The following SELENOP variants were observed in gnomAD, a reference collection of about 807,000 sequenced individuals.
SELENOP encodes selenoprotein P.
In SELENOP, 36 loss-of-function variants were observed where a neutral mutation model predicts 41.0. That is an observed-to-expected ratio of 0.88 (90% CI 0.67 to 1.16). The LOEUF (loss-of-function observed/expected upper bound fraction) is 1.16. SELENOP is among the 50% of genes most tolerant of loss of function. The probability of loss-of-function intolerance (pLI) is 0.00; values close to 1 mark genes in which losing one functional copy is unlikely to be tolerated. For missense variants in SELENOP, 440 were observed against 454.2 expected (o/e 0.97, Z 0.28); for synonymous variants, 144 against 150.8 (o/e 0.95, Z 0.33).
chr5:42,800,597 G>T lies in SELENOP; in HGVS notation c.*123C>A. The T allele has an allele frequency of 1.6e-6, 2 of 1,215,102 alleles. No homozygotes were observed. Among genetic ancestry groups the T allele is most frequent in the Non-Finnish European group, 2.3e-6 (2 of 884,748 alleles). 75.3% of individuals were successfully genotyped at this position (1,215,102 alleles called of 1,614,324 possible). A position where few individuals can be genotyped will look rare whatever the true frequency, so the allele number is the denominator to read the frequency against. On this transcript the variant is annotated 3_prime_UTR_variant, in exon 5 of 5. Transcript: ENST00000514985. Reference sequence around the variant, plus strand: ...TTAAAATCTGGAAGCCAATTCAGTAGATTTCTCCATGTTTGCACAAATCTA... The same window carrying T: ...TTAAAATCTGGAAGCCAATTCAGTATATTTCTCCATGTTTGCACAAATCTA...
At chr5:42,801,637 C>T in intron 4 of SELENOP, 1 of 387,898 alleles carries the variant, frequency 2.6e-6, no homozygotes, top group Non-Finnish European at 4.5e-6. Context: ...TTGATCTGGG[C>T]CGAGCATGGT....
chr5:42,811,113 T>C (rs1391236114), intron 1 of SELENOP, among the ~76,000 whole-genome samples: 1 of 152,236 alleles, frequency 6.6e-6, no homozygotes, highest in Non-Finnish European at 1.5e-5. Flanking sequence ...TTAAATTTCA[T>C]GGCCACATTC....
At chr5:42,809,826 C>A (rs1246468569) in intron 1 of SELENOP, 1 of 848,412 alleles carries the variant, frequency 1.2e-6, no homozygotes, top group Non-Finnish European at 1.4e-6. Context: ...AGAGAGAGGA[C>A]AAATTAACTT....
chr5:42,810,498 T>C (rs1760435653), intron 1 of SELENOP, among the ~76,000 whole-genome samples: 2 of 152,166 alleles, frequency 1.3e-5, no homozygotes, highest in Non-Finnish European at 2.9e-5. Flanking sequence ...CTTGCTCTGT[T>C]ACCCAGGCTG....
At chr5:42,802,024 A>C (rs1380070399) in intron 4 of SELENOP, 2 of 152,234 alleles carry the variant, frequency 1.3e-5, no homozygotes, top group Non-Finnish European at 2.9e-5. Flanking sequence ...ATCTAATATT[A>C]TCTCTGATAA....
rs1226212325 is a variant in SELENOP, at chr5:42,808,282, T to A, written c.72A>T (p.Gln24His). Reference protein sequence around the residue: ...LPSGGTESQDQSSLCKQPPAW... With the variant: ...LPSGGTESQDHSSLCKQPPAW... ...CTGGGGGTTGCTTACATAAGGAGCTTTGGTCCTGGCTCTCTGTTCCTCCCG... is the reference window on the plus strand; with the variant it reads ...CTGGGGGTTGCTTACATAAGGAGCTATGGTCCTGGCTCTCTGTTCCTCCCG... Residue 24 changes from glutamine (Q) to histidine (H), a missense_variant, in exon 2 of 5, where the codon CAA (glutamine) becomes CAT (histidine). By Grantham distance (24) the Gln-to-His change is conservative. Coordinates refer to ENST00000514985, the MANE Select transcript of SELENOP (RefSeq NM_005410.4). 1.3e-6 allele frequency: 2 copies of A among 1,566,066 alleles called. No homozygotes were observed. The highest frequency in any genetic ancestry group is 1.7e-6 in the Non-Finnish European group (2 of 1,156,070).
In SELENOP at chr5:42,801,598, G is replaced by A. The variant is rs1579729664; in HGVS notation, c.535-267C>T. 1.4e-4 allele frequency: 64 copies of A among 451,672 alleles called. 1 individual carries two copies. In the East Asian group the frequency reaches 2.1e-3, roughly 15 times the overall value. 28.0% of individuals were successfully genotyped at this position (451,672 alleles called of 1,614,324 possible). ...CAAAAGGAACTTGGATTGCAGGAAA[G>A]TCAAAGTAATATCAAATCCTAAATT... On this transcript the variant is annotated intron_variant, in intron 4 of 4. Transcript: ENST00000514985.
Position 42,800,632 on chromosome 5 carries a change from T to G in SELENOP, c.*88A>C. On this transcript the variant is annotated 3_prime_UTR_variant, in exon 5 of 5. Coordinates refer to ENST00000514985, the MANE Select transcript of SELENOP (RefSeq NM_005410.4). ...TGTTTGCACAAATCTAATTTCTATT[T>G]TTGGTTCACTAATTTGGTAGTTTAT... The G allele has an allele frequency of 7.0e-7, 1 of 1,423,238 alleles. No homozygotes were observed. The highest frequency in any genetic ancestry group is 9.5e-7 in the Non-Finnish European group (1 of 1,058,106). 88.2% of individuals were successfully genotyped at this position (1,423,238 alleles called of 1,614,324 possible).
chr5:42,808,350 A>G lies in SELENOP; in HGVS notation c.4T>C (p.Trp2Arg). The change falls in exon 2 of 5, where the codon TGG becomes CGG. Residue 2 changes from tryptophan (W) to arginine (R), a missense_variant. Transcript: ENST00000514985. ...GCCAGGGCAAGCCCCAGGCTTCTCC[A>G]CATTGCTGGGGTTGTCCTGTAAAAG... M[W>R]RSLGLALALC... 2 of 1,393,766 alleles carry G rather than the reference A, an allele frequency of 1.4e-6. No homozygotes were observed. Among genetic ancestry groups the G allele is most frequent in the Non-Finnish European group, 1.9e-6 (2 of 1,065,670 alleles). The allele number at this position is 1,393,766 out of a possible 1,614,324, so 86.3% of individuals were successfully genotyped here. A position where few individuals can be genotyped will look rare whatever the true frequency, so the allele number is the denominator to read the frequency against.
In SELENOP at chr5:42,807,079, T is replaced by TAA; in HGVS notation, c.232_233insTT (p.Lys78IlefsTer?). On this transcript the variant is annotated frameshift_variant, in exon 3 of 5. Coordinates refer to ENST00000514985, the MANE Select transcript of SELENOP (RefSeq NM_005410.4). LOFTEE classifies it high-confidence loss of function. ...ATAAGAAATATTAGAATATCCTTCT[T>TAA]TCTTCAGTTTTACTCGCAGGTCTTC... The TAA allele has an allele frequency of 6.6e-7, 1 of 1,520,088 alleles. No homozygotes were observed. The highest frequency in any genetic ancestry group is 9.1e-7 in the Non-Finnish European group (1 of 1,102,854). The allele number at this position is 1,520,088 out of a possible 1,614,324, so 94.2% of individuals were successfully genotyped here. A position where few individuals can be genotyped will look rare whatever the true frequency, so the allele number is the denominator to read the frequency against.
chr5:42,810,471 A>T (rs947660116), intron 1 of SELENOP, among the ~76,000 whole-genome samples: 3 of 151,850 alleles, frequency 2.0e-5, no homozygotes, highest in Non-Finnish European at 2.9e-5. Context: ...TTATTTATTT[A>T]TTTTTTGAGA....
At chr5:42,805,337 T>A (rs1235471881) in intron 3 of SELENOP, 1 of 152,214 alleles carries the variant, frequency 6.6e-6, no homozygotes, top group East Asian at 1.9e-4. Flanking sequence ...ACATTTTACC[T>A]AGTATATATG....
rs761200561 is a variant in SELENOP at position 42,807,073 on chromosome 5, CCTT to C, written c.236_238del (p.Glu79del). On this transcript the variant is annotated inframe_deletion, in exon 3 of 5. Transcript: ENST00000514985. ...AACAATATAAGAAATATTAGAATATCCTTCTTTCTTCAGTTTTACTCGCAGGTC... is the reference window on the plus strand; with the variant it reads ...AACAATATAAGAAATATTAGAATATCCTTTCTTCAGTTTTACTCGCAGGTC... 2.7e-5 allele frequency: 41 copies of C among 1,535,332 alleles called. No homozygotes were observed. The highest frequency in any genetic ancestry group is 9.0e-7 in the Non-Finnish European group (1 of 1,115,594).
chr5:42,810,745 A>C, intron 1 of SELENOP: 2 of 1,081,580 alleles, frequency 1.8e-6, no homozygotes, highest in Non-Finnish European at 2.4e-6. Flanking sequence ...AGCGTGAGCC[A>C]CCGCGTCCAG....
At chr5:42,811,503 G>A (rs951042217) in intron 1 of SELENOP, among the ~76,000 whole-genome samples, 2 of 152,118 alleles carry the variant, frequency 1.3e-5, no homozygotes, top group Non-Finnish European at 2.9e-5. Flanking sequence ...GCCCTTCAGT[G>A]GAAAATATTT....
At chr5:42,808,488 C>G (rs1407477823) in intron 1 of SELENOP, 122 bp from the exon 2 acceptor site, 4 of 392,536 alleles carry the variant, frequency 1.0e-5, no homozygotes, top group Non-Finnish European at 1.8e-5. Context: ...TGAATTCTGT[C>G]TCCAGAAAGT....
intron 3 of SELENOP, 155 bp downstream of exon 3, chr5:42,806,741 C>A: frequency 2.2e-6 from 1 of 448,924 alleles, no homozygotes; most frequent in East Asian, 3.2e-5. Flanking sequence ...GTGATTTTTA[C>A]TTCTAAATGT....
chr5:42,810,772 C>A, intron 1 of SELENOP: 2 of 1,105,326 alleles, frequency 1.8e-6, no homozygotes, highest in South Asian at 2.3e-5. Context: ...GCACATATTG[C>A]AAGTAGCTGA....
rs762672238 is a variant in SELENOP at position 42,801,154 on chromosome 5, G to T, written c.712C>A (p.Pro238Thr). 6.8e-6 allele frequency: 11 copies of T among 1,614,176 alleles called. No homozygotes were observed. The highest frequency in any genetic ancestry group is 9.3e-6 in the Non-Finnish European group (11 of 1,180,036). The change falls in exon 5 of 5, where the codon CCT (proline) becomes ACT (threonine). Residue 238 changes from proline to threonine, a missense_variant. By Grantham distance (38) the Pro-to-Thr change is conservative. Coordinates refer to ENST00000514985, the MANE Select transcript of SELENOP (RefSeq NM_005410.4). ...TGGTGATGAAGGCCTGGAGGAGCAGGATGAGTAGGAGCATTTGGTGCTCCT... is the reference window on the plus strand; with the variant it reads ...TGGTGATGAAGGCCTGGAGGAGCAGTATGAGTAGGAGCATTTGGTGCTCCT... ...QPGAPNAPTHPAPPGLHHHHK... is the reference protein window; with the variant it reads ...QPGAPNAPTHTAPPGLHHHHK...
Sources: gnomAD v4.1 joint callset for allele counts (sites outside exome capture counted in the v4.1 genomes callset) on GRCh38, gnomAD v4.1.1 for gene constraint, MANE v1.5 for transcripts, NCBI Gene and HGNC (gene_info 2026-07-23, HGNC 2026-07-21) for gene names.